Variants in GPR6 observed in about 807,000 individuals in gnomAD.
GPR6 encodes the protein sphingosine 1-phosphate receptor GPR6.
A neutral mutation model predicts 18.5 loss-of-function variants in GPR6; 14 were observed. That is an observed-to-expected ratio of 0.76 (90% CI 0.50 to 1.18). The LOEUF (loss-of-function observed/expected upper bound fraction) is 1.18. Among genes scored for constraint, GPR6 ranks in the 50% most tolerant of loss-of-function variants. GPR6 has a pLI of 0.00. For synonymous variants in GPR6, 299 were observed against 240.9 expected (o/e 1.24, Z -2.23); for missense variants, 477 against 495.9 (o/e 0.96, Z 0.36).
At position 109,979,298 on chromosome 6, in the gene GPR6, T is replaced by G. The variant is rs1771023489; in HGVS notation, c.186T>G (p.Ala62=). Residue 62 remains alanine, a synonymous_variant, in exon 2 of 2, where the codon GCT becomes GCG. Transcript: ENST00000275169. ...GSLELSSQLS[A]GPPGLLLPAV... Reference sequence around the variant, plus strand: ...TGGAGCTGTCCTCGCAGCTGTCGGCTGGGCCACCGGGACTCCTGCTGCCAG... The same window carrying G: ...TGGAGCTGTCCTCGCAGCTGTCGGCGGGGCCACCGGGACTCCTGCTGCCAG... 6.2e-7 allele frequency: 1 copy of G among 1,613,280 alleles called. No homozygotes were observed. Among genetic ancestry groups the G allele is most frequent in the Non-Finnish European group, 8.5e-7 (1 of 1,179,834 alleles).
chr6:109,978,906 T>G, intron 1 of GPR6, 189 bp from the exon 2 acceptor site: 1 of 1,519,338 alleles, frequency 6.6e-7, no homozygotes. Context: ...CGCGTGGGCA[T>G]TTCACTCACT....
intron 1 of GPR6, 98 bp downstream of exon 1, chr6:109,978,565 C>A (rs1303195196): frequency 3.4e-6 from 2 of 580,208 alleles, no homozygotes; most frequent in Non-Finnish European, 6.1e-6. Context: ...AGAAATGGAG[C>A]CAACCTTGAC....
intron 1 of GPR6, 192 bp downstream of exon 1, chr6:109,978,659 TC>T: frequency 5.2e-6 from 7 of 1,353,054 alleles, no homozygotes; most frequent in Non-Finnish European, 6.1e-6. Flanking sequence ...TCCAGGACTC[TC>T]CAGGCTTCGC....
Position 109,980,095 on chromosome 6 carries a change from T to C in GPR6, c.983T>C (p.Ile328Thr). 6.2e-7 allele frequency: 1 copy of C among 1,614,220 alleles called. No individual in the cohort carries two copies. Among genetic ancestry groups the C allele is most frequent in the Non-Finnish European group, 8.5e-7 (1 of 1,180,032 alleles). ...ATYNSMINPI[I>T]YAFRNQEIQR... ...TACAACTCCATGATCAATCCCATCATCTATGCCTTCCGCAACCAGGAGATC... is the reference window on the plus strand; with the variant it reads ...TACAACTCCATGATCAATCCCATCACCTATGCCTTCCGCAACCAGGAGATC... The change falls in exon 2 of 2, where the codon ATC (isoleucine) becomes ACC (threonine). Residue 328 changes from isoleucine (I) to threonine (T), a missense_variant. Physicochemically the swap from Ile to Thr is moderately conservative, Grantham distance 89. Transcript: ENST00000275169.
chr6:109,978,914 A>G (rs1771005221), intron 1 of GPR6, 181 bp from the exon 2 acceptor site: 1 of 1,514,112 alleles, frequency 6.6e-7, no homozygotes, highest in Non-Finnish European at 8.9e-7. Flanking sequence ...CATTTCACTC[A>G]CTCACTCAAC....
rs952842537 is a variant in GPR6, at chr6:109,979,336, G to C, written c.224G>C (p.Trp75Ser). ...CTCCTGCTGCCAGCGGTGAATCCGT[G>C]GGACGTGCTCCTGTGCGTGTCGGGG... ...PGLLLPAVNP[W>S]DVLLCVSGTV... Residue 75 changes from tryptophan to serine, a missense_variant, in exon 2 of 2, where the codon TGG (tryptophan) becomes TCG (serine). Trp to Ser is a radical substitution (Grantham distance 177, BLOSUM62 -3). Coordinates refer to ENST00000275169, the MANE Select transcript of GPR6 (RefSeq NM_005284.5). 1.2e-6 allele frequency: 2 copies of C among 1,613,598 alleles called. No individual in the cohort carries two copies. The highest frequency in any genetic ancestry group is 2.7e-5 in the African/African-American group (2 of 74,932).
At position 109,979,941 on chromosome 6, in the gene GPR6, GGTGTGGGTACAC is replaced by G; in HGVS notation, c.830_841del (p.Gly277_Leu281delinsVal). On this transcript the variant is annotated inframe_deletion, in exon 2 of 2. Coordinates refer to ENST00000275169, the MANE Select transcript of GPR6 (RefSeq NM_005284.5). ...ACCCCATCTCGCTGCCACCAGAAAG[GGTGTGGGTACAC>G]TGGCTGTGGTGCTGGGCACTTTCGG... 1 of 1,613,024 alleles carries G rather than the reference GGTGTGGGTACAC, an allele frequency of 6.2e-7. No homozygotes were observed. The highest frequency in any genetic ancestry group is 1.1e-5 in the South Asian group (1 of 91,078).
Position 109,979,472 on chromosome 6 carries a change from G to A in GPR6, c.360G>A (p.Leu120=). 1.2e-6 allele frequency: 2 copies of A among 1,613,408 alleles called. No homozygotes were observed. The highest frequency in any genetic ancestry group is 1.7e-6 in the Non-Finnish European group (2 of 1,179,994). Residue 120 remains leucine, a synonymous_variant, in exon 2 of 2, where the codon TTG becomes TTA. Coordinates refer to ENST00000275169, the MANE Select transcript of GPR6 (RefSeq NM_005284.5). ...GCAGCCTGGCCACCGCTGACCTGTT[G>A]GCGGGCTGTGGCCTCATCTTGCACT... The part of the protein sequence containing the change: ...LVGSLATADL[L]AGCGLILHFV...
rs1303624786 is a variant in GPR6 at position 109,979,231 on chromosome 6, C to T, written c.119C>T (p.Ala40Val). ...GACACGGGCGAATGGGGACCCCCTG[C>T]TGCGGCGGCTCTAGGAGCCGGCGGC... ...GPDTGEWGPPAAAALGAGGGA... is the reference protein window; with the variant it reads ...GPDTGEWGPPVAAALGAGGGA... Residue 40 changes from alanine (A) to valine (V), a missense_variant, in exon 2 of 2, where the codon GCT becomes GTT. Physicochemically the swap from Ala to Val is moderately conservative, Grantham distance 64. Transcript: ENST00000275169. The T allele has an allele frequency of 2.5e-6, 4 of 1,606,006 alleles. No homozygotes were observed. Among genetic ancestry groups the T allele is most frequent in the South Asian group, 2.2e-5 (2 of 90,662 alleles).
chr6:109,980,292 A>G lies in GPR6; in HGVS notation c.*91A>G. 1 of 1,544,430 alleles carries G rather than the reference A, an allele frequency of 6.5e-7. No individual in the cohort carries two copies. Among genetic ancestry groups the G allele is most frequent in the East Asian group, 2.2e-5 (1 of 44,480 alleles). On this transcript the variant is annotated 3_prime_UTR_variant, in exon 2 of 2. Coordinates refer to ENST00000275169, the MANE Select transcript of GPR6 (RefSeq NM_005284.5). ...GCCTGCTGACGAACTCTGAGATCCCAATGGTGTGAGTCTGACTTTGGAAAG... is the reference window on the plus strand; with the variant it reads ...GCCTGCTGACGAACTCTGAGATCCCGATGGTGTGAGTCTGACTTTGGAAAG...
chr6:109,980,281 T>C lies in GPR6; in HGVS notation c.*80T>C. On this transcript the variant is annotated 3_prime_UTR_variant, in exon 2 of 2. Transcript: ENST00000275169. ...GTAAGCTCGGTGCCTGCTGACGAAC[T>C]CTGAGATCCCAATGGTGTGAGTCTG... 1 of 1,569,480 alleles carries C rather than the reference T, an allele frequency of 6.4e-7. No homozygotes were observed. The highest frequency in any genetic ancestry group is 1.4e-5 in the African/African-American group (1 of 73,016).
chr6:109,979,004 G>C, intron 1 of GPR6, 91 bp from the exon 2 acceptor site: 1 of 1,543,308 alleles, frequency 6.5e-7, no homozygotes, highest in Non-Finnish European at 8.7e-7. Flanking sequence ...GGCAACTCAA[G>C]TGGGGCAATG....
chr6:109,979,988 G>T lies in GPR6; in HGVS notation c.876G>T (p.Trp292Cys). The change falls in exon 2 of 2, where the codon TGG (tryptophan) becomes TGT (cysteine). Residue 292 changes from tryptophan to cysteine, a missense_variant. Trp to Cys is a radical substitution (Grantham distance 215). Transcript: ENST00000275169. ...AVVLGTFGAS[W>C]LPFAIYCVVG... ...TGCTGGGCACTTTCGGCGCCAGCTGGCTGCCCTTCGCCATCTATTGCGTGG... is the reference window on the plus strand; with the variant it reads ...TGCTGGGCACTTTCGGCGCCAGCTGTCTGCCCTTCGCCATCTATTGCGTGG... 1 of 1,613,046 alleles carries T rather than the reference G, an allele frequency of 6.2e-7. No homozygotes were observed.
rs1328205374 is a variant in GPR6, at chr6:109,978,311, ACTC to A, written c.-174_-172del. On this transcript the variant is annotated 5_prime_UTR_variant, in exon 1 of 2. Transcript: ENST00000275169. Reference sequence around the variant, plus strand: ...TTTTCTGCCACCAACTGTATCTCTCACTCGCGGAGCCGGCACAGCGACAGGCGC... The same window carrying A: ...TTTTCTGCCACCAACTGTATCTCTCAGCGGAGCCGGCACAGCGACAGGCGC... The A allele has an allele frequency of 1.2e-5, 2 of 160,482 alleles. No homozygotes were observed. The highest frequency in any genetic ancestry group is 2.7e-5 in the Non-Finnish European group (2 of 74,142). The allele number at this position is 160,482 out of a possible 1,614,324, so 9.9% of individuals were successfully genotyped here. A position where few individuals can be genotyped will look rare whatever the true frequency, so the allele number is the denominator to read the frequency against.
Position 109,980,111 on chromosome 6 carries a change from C to T in GPR6, c.999C>T (p.Asn333=), listed in dbSNP as rs1416132930. ...ATCCCATCATCTATGCCTTCCGCAACCAGGAGATCCAGCGCGCCCTGTGGC... is the reference window on the plus strand; with the variant it reads ...ATCCCATCATCTATGCCTTCCGCAATCAGGAGATCCAGCGCGCCCTGTGGC... ...MINPIIYAFR[N]QEIQRALWLL... The change falls in exon 2 of 2, where the codon AAC becomes AAT. Residue 333 remains asparagine (N), a synonymous_variant. Coordinates refer to ENST00000275169, the MANE Select transcript of GPR6 (RefSeq NM_005284.5). 6.2e-7 allele frequency: 1 copy of T among 1,614,236 alleles called. No homozygotes were observed. The highest frequency in any genetic ancestry group is 1.7e-5 in the Admixed American group (1 of 60,036).
intron 1 of GPR6, 36 bp from the exon 2 acceptor site, chr6:109,979,059 G>A: frequency 6.5e-7 from 1 of 1,540,950 alleles, no homozygotes; most frequent in Non-Finnish European, 8.7e-7. Flanking sequence ...GCAGCCTGAA[G>A]TGTACACCTG....
In GPR6 at chr6:109,980,209, G is replaced by A. The variant is rs188191929; in HGVS notation, c.*8G>A. On this transcript the variant is annotated 3_prime_UTR_variant, in exon 2 of 2. Coordinates refer to ENST00000275169, the MANE Select transcript of GPR6 (RefSeq NM_005284.5). ...TCTCCCAGCGAGGTCTGAAGGGCTC[G>A]CCCCGTGTCCTCTCACCAACACCAC... The A allele has an allele frequency of 3.8e-3, 6,207 of 1,614,132 alleles. 14 individuals carry two copies. Among genetic ancestry groups the A allele is most frequent in the Non-Finnish European group, 4.8e-3 (5,704 of 1,180,020 alleles).
In GPR6 at chr6:109,979,664, C is replaced by A; in HGVS notation, c.552C>A (p.Gly184=). The change falls in exon 2 of 2, where the codon GGC becomes GGA. Residue 184 remains glycine, a synonymous_variant. Coordinates refer to ENST00000275169, the MANE Select transcript of GPR6 (RefSeq NM_005284.5). ...ATTACTCGCGCCGGACCCTGTTGGGCGTGCACCTCCTGCTTGCCGCCACTT... is the reference window on the plus strand; with the variant it reads ...ATTACTCGCGCCGGACCCTGTTGGGAGTGCACCTCCTGCTTGCCGCCACTT... The part of the protein sequence containing the change: ...LTYYSRRTLL[G]VHLLLAATWT... 6.2e-7 allele frequency: 1 copy of A among 1,611,470 alleles called. No homozygotes were observed. Among genetic ancestry groups the A allele is most frequent in the Non-Finnish European group, 8.5e-7 (1 of 1,179,942 alleles).
At position 109,980,033 on chromosome 6, in the gene GPR6, G is replaced by T; in HGVS notation, c.921G>T (p.Pro307=). The part of the protein sequence containing the change: ...IYCVVGSHED[P]AVYTYATLLP... ...GCGTGGTGGGCAGCCATGAGGACCCGGCGGTCTACACTTACGCCACCCTGC... is the reference window on the plus strand; with the variant it reads ...GCGTGGTGGGCAGCCATGAGGACCCTGCGGTCTACACTTACGCCACCCTGC... Residue 307 remains proline (P), a synonymous_variant, in exon 2 of 2, where the codon CCG becomes CCT. Coordinates refer to ENST00000275169, the MANE Select transcript of GPR6 (RefSeq NM_005284.5). 6.2e-7 allele frequency: 1 copy of T among 1,613,682 alleles called. No individual in the cohort carries two copies.
Sources: gnomAD v4.1 joint callset for allele counts on GRCh38, gnomAD v4.1.1 for gene constraint, MANE v1.5 for transcripts, NCBI Gene and HGNC (gene_info 2026-07-23, HGNC 2026-07-21) for gene names.